The following SYK variants were observed in gnomAD, a reference collection of about 807,000 sequenced individuals.
SYK encodes the protein spleen associated tyrosine kinase.
In SYK, 16 loss-of-function variants were observed where a neutral mutation model predicts 77.8. The ratio of observed to expected loss-of-function variants is 0.21; its 90% CI spans 0.14 to 0.31. The LOEUF is 0.31. Ranked by LOEUF, SYK falls within the 10% of genes least tolerant of loss-of-function variation. The probability of loss-of-function intolerance (pLI) is 1.00; values close to 1 mark genes in which losing one functional copy is unlikely to be tolerated. For synonymous variants in SYK, 312 were observed against 308.7 expected, an observed-to-expected ratio of 1.01 and a Z score of -0.11; for missense variants, 529 against 814.4, an observed-to-expected ratio of 0.65 and a Z score of 4.26.
At chr9:90,867,027 A>C (rs1204750873) in intron 6 of SYK, 104 bp from the exon 7 acceptor site, 1 of 1,212,884 alleles carries the variant, frequency 8.2e-7, no homozygotes, top group Non-Finnish European at 1.2e-6. Flanking sequence ...GGAGGGGGTT[A>C]GTGGTGCGAT....
intron 11 of SYK, among the ~76,000 whole-genome samples, chr9:90,886,591 G>T (rs1828588033): frequency 6.6e-6 from 1 of 152,200 alleles, no homozygotes; most frequent in African/African-American, 2.4e-5. Context: ...TGTCATCCCA[G>T]CTACCTGGGA....
intron 1 of SYK, among the ~76,000 whole-genome samples, chr9:90,815,439 G>A (rs1308575718): frequency 6.6e-6 from 1 of 152,216 alleles, no homozygotes; most frequent in Non-Finnish European, 1.5e-5. Flanking sequence ...TGTCTCTGGA[G>A]TTCCTGTGCT....
intron 1 of SYK, among the ~76,000 whole-genome samples, chr9:90,841,409 G>GTGTAAGA (rs1826321810): frequency 1.5e-5 from 2 of 135,508 alleles, no homozygotes; most frequent in African/African-American, 3.1e-5. Flanking sequence ...GACGTGTGCA[G>GTGTAAGA]TGTGTGTAAG....
chr9:90,849,140 G>A (rs555554061), intron 3 of SYK, among the ~76,000 whole-genome samples: 1 of 152,370 alleles, frequency 6.6e-6, no homozygotes, highest in Non-Finnish European at 1.5e-5. Context: ...TCTTTAGGAA[G>A]CAAAGGGCCA....
chr9:90,870,153 T>C (rs1005136681), intron 7 of SYK, among the ~76,000 whole-genome samples: 1 of 152,068 alleles, frequency 6.6e-6, no homozygotes, highest in African/African-American at 2.4e-5. Flanking sequence ...ACTTATAAAG[T>C]ATAAACAAAA....
chr9:90,856,591 C>CTGTTTGTT (rs61333133), intron 3 of SYK, among the ~76,000 whole-genome samples: 3,830 of 151,182 alleles, frequency 0.025, 138 homozygotes, highest in African/African-American at 0.088. Context: ...TCTAGCAGTT[C>CTGTTTGTT]TGTTTGTTTG....
chr9:90,880,929 T>C (rs556876887), intron 11 of SYK, among the ~76,000 whole-genome samples: 1 of 152,328 alleles, frequency 6.6e-6, no homozygotes, highest in South Asian at 2.1e-4. Flanking sequence ...CTTGGGGCCC[T>C]TGGGCTTCCC....
At chr9:90,874,873 C>T (rs199615292) in intron 9 of SYK, 24 bp downstream of exon 9, 1 of 1,612,690 alleles carries the variant, frequency 6.2e-7, no homozygotes, top group African/African-American at 1.3e-5. Context: ...TTCCACCAGC[C>T]TCACCCTCAC....
chr9:90,842,553 T>C (rs1193977681), intron 1 of SYK, among the ~76,000 whole-genome samples: 1 of 151,268 alleles, frequency 6.6e-6, no homozygotes. Flanking sequence ...GTGTGTTTCA[T>C]GTCTGTTTTG....
At chr9:90,855,685 TGTGG>T (rs1554710323) in intron 3 of SYK, among the ~76,000 whole-genome samples, 1 of 146,724 alleles carries the variant, frequency 6.8e-6, no homozygotes, top group Non-Finnish European at 1.5e-5. Context: ...TGTGTGTGTG[TGTGG>T]GTGTGTGTGA....
chr9:90,847,745 C>T (rs1285910381), intron 3 of SYK, among the ~76,000 whole-genome samples: 1 of 152,268 alleles, frequency 6.6e-6, no homozygotes, highest in Non-Finnish European at 1.5e-5. Context: ...CCAGGCTCTG[C>T]TCCTCTGGGT....
At chr9:90,861,083 G>A (rs554395750) in intron 3 of SYK, among the ~76,000 whole-genome samples, 58 of 152,294 alleles carry the variant, frequency 3.8e-4, no homozygotes, top group African/African-American at 1.4e-3. Context: ...GCTGTGGAGA[G>A]GGGAGAATGG....
rs977484966 is a variant in SYK at position 90,874,457 on chromosome 9, C to T, written c.1003+166C>T. On this transcript the variant is annotated intron_variant, in intron 8 of 13. Coordinates refer to ENST00000375754, the MANE Select transcript of SYK (RefSeq NM_003177.7). ...GTGGCAGGCAGCAGGCACCACATGC[C>T]CATGAGCAGTGATGGTGCTATTGAA... Among the ~76,000 whole-genome samples, 6 of 152,308 alleles carry T rather than the reference C, an allele frequency of 3.9e-5. No homozygotes were observed. The South Asian group carries it at 1.2e-3, about 32-fold the overall frequency.
chr9:90,874,092 C>A, intron 7 of SYK, 112 bp from the exon 8 acceptor site: 2 of 875,732 alleles, frequency 2.3e-6, no homozygotes, highest in Non-Finnish European at 1.8e-6. Flanking sequence ...TTTCCTTTGT[C>A]TTTCCTGCAA....
At chr9:90,882,909 C>A (rs929985138) in intron 11 of SYK, among the ~76,000 whole-genome samples, 2 of 152,142 alleles carry the variant, frequency 1.3e-5, no homozygotes, top group Non-Finnish European at 2.9e-5. Context: ...ACATTCCAGC[C>A]AAGGACTTCT....
At chr9:90,801,776 T>G (rs1294862359), upstream of SYK, 1 of 152,086 alleles carries the variant, frequency 6.6e-6, no homozygotes, top group East Asian at 1.9e-4. Context: ...GTTAAGGAAG[T>G]TGCCCAAAAT....
rs190726465 is a variant in SYK, at chr9:90,886,491, G to T, written c.1582-1258G>T. ...AAGCCCGAGGCAGGCAGATCACAAG[G>T]TCAGGAGATCAAGACCATCCTGGCT... On this transcript the variant is annotated intron_variant, in intron 11 of 13. Coordinates refer to ENST00000375754, the MANE Select transcript of SYK (RefSeq NM_003177.7). 8.0e-3 allele frequency among the ~76,000 whole-genome samples: 1,220 copies of T among 152,310 alleles called. 11 individuals are homozygous for T. The highest frequency in any genetic ancestry group is 0.011 in the Admixed American group (162 of 15,304).
chr9:90,820,211 G>A (rs1587818002), intron 1 of SYK, among the ~76,000 whole-genome samples: 1 of 152,170 alleles, frequency 6.6e-6, no homozygotes, highest in African/African-American at 2.4e-5. Flanking sequence ...CAGGCACATG[G>A]TGCAAGCTGT....
intron 1 of SYK, among the ~76,000 whole-genome samples, chr9:90,826,830 A>G (rs12337607): frequency 0.013 from 1,934 of 152,298 alleles, 45 homozygotes; most frequent in African/African-American, 0.044. Context: ...GGTGCTCTGT[A>G]AAGTTGCATC....
Sources: gnomAD v4.1 joint callset for allele counts (sites outside exome capture counted in the v4.1 genomes callset) on GRCh38, gnomAD v4.1.1 for gene constraint, MANE v1.5 for transcripts, NCBI Gene and HGNC (gene_info 2026-07-23, HGNC 2026-07-21) for gene names.